SEM1: variants seen among roughly 807,000 people sequenced by gnomAD.
SEM1 encodes SEM1 26S proteasome subunit.
Under a neutral mutation model 12.7 loss-of-function variants are expected in SEM1, and 3 were observed. The observed-to-expected ratio is 0.24, with a 90% CI of 0.11 to 0.61. The LOEUF (loss-of-function observed/expected upper bound fraction) is 0.61. SEM1 is among the 20% of genes least tolerant of loss of function. The probability of loss-of-function intolerance (pLI) is 0.88; values close to 1 mark genes in which losing one functional copy is unlikely to be tolerated. For missense variants in SEM1, 59 were observed against 81.3 expected (o/e 0.73, Z 1.06); for synonymous variants, 30 against 27.8 (o/e 1.08, Z -0.25).
chr7:96,579,633 A>C (rs1466492609), intron 2 of SEM1, among the ~76,000 whole-genome samples: 1 of 152,216 alleles, frequency 6.6e-6, no homozygotes, highest in Admixed American at 6.5e-5. Context: ...TTGAAGTATA[A>C]TTACTAAAAC....
chr7:96,705,637 C>T (rs1790432723), intron 1 of SEM1, among the ~76,000 whole-genome samples: 1 of 151,878 alleles, frequency 6.6e-6, no homozygotes, highest in Admixed American at 6.6e-5. Flanking sequence ...ACCATCCTGG[C>T]TAACACCATG....
intron 2 of SEM1, among the ~76,000 whole-genome samples, chr7:96,543,250 A>AT (rs774911265): frequency 6.6e-6 from 1 of 151,972 alleles, no homozygotes; most frequent in Non-Finnish European, 1.5e-5. Flanking sequence ...TTACATTTAC[A>AT]TTTTATTGGG....
At chr7:96,673,519 T>TCATAATC (rs1359628507) in exon 3 of SEM1, 57 of 499,646 alleles carry the variant, frequency 1.1e-4, no homozygotes, top group Non-Finnish European at 1.9e-4. Context: ...ACAGGAAGTA[T>TCATAATC]CATAATCTCT....
intron 1 of SEM1, among the ~76,000 whole-genome samples, chr7:96,492,294 T>G (rs1353565281): frequency 2.0e-5 from 3 of 152,188 alleles, no homozygotes; most frequent in Non-Finnish European, 2.9e-5. Context: ...CATTTGACTA[T>G]TACAGGTACC....
At chr7:96,694,314 T>C (rs576785133) in intron 2 of SEM1, among the ~76,000 whole-genome samples, 1 of 152,106 alleles carries the variant, frequency 6.6e-6, no homozygotes, top group East Asian at 1.9e-4. Flanking sequence ...GCCACTGAAC[T>C]GTACACTTTC....
chr7:96,649,017 C>T (rs1808886710), intron 2 of SEM1, among the ~76,000 whole-genome samples: 1 of 152,210 alleles, frequency 6.6e-6, no homozygotes, highest in Middle Eastern at 3.2e-3. Context: ...AGAGGTGGAG[C>T]CTCCCTGAGC....
intron 2 of SEM1, among the ~76,000 whole-genome samples, chr7:96,566,845 A>G (rs917793593): frequency 4.0e-5 from 6 of 151,522 alleles, no homozygotes; most frequent in African/African-American, 1.5e-4. Context: ...TTAATTCATT[A>G]TTTTTCCAGA....
intron 2 of SEM1, among the ~76,000 whole-genome samples, chr7:96,636,985 G>T (rs573002837): frequency 6.6e-6 from 1 of 152,012 alleles, no homozygotes; most frequent in Non-Finnish European, 1.5e-5. Context: ...TTCTCTGAGT[G>T]GAAGGAGGAA....
intron 1 of SEM1, among the ~76,000 whole-genome samples, chr7:96,701,619 T>G (rs1790277566): frequency 6.6e-6 from 1 of 152,146 alleles, no homozygotes; most frequent in Non-Finnish European, 1.5e-5. Flanking sequence ...CTAATAAATA[T>G]TATTAGCCAT....
intron 2 of SEM1, among the ~76,000 whole-genome samples, chr7:96,554,816 T>C (rs1451885111): frequency 5.9e-5 from 9 of 151,724 alleles, no homozygotes; most frequent in Non-Finnish European, 1.2e-4. Context: ...GCTGTGAATC[T>C]ATCTGGTCCT....
chr7:96,623,007 GA>G (rs1807944081), intron 2 of SEM1: 1 of 203,166 alleles, frequency 4.9e-6, no homozygotes, highest in African/African-American at 2.3e-5. Flanking sequence ...GTATGTCTAT[GA>G]GGGTGTTTCT....
intron 2 of SEM1, among the ~76,000 whole-genome samples, chr7:96,682,056 T>C (rs1369596754): frequency 6.6e-6 from 1 of 152,160 alleles, no homozygotes; most frequent in Non-Finnish European, 1.5e-5. Flanking sequence ...CCTCTCTTAT[T>C]TCCTTGAGCA....
chr7:96,563,594 T>A (rs551929165), intron 2 of SEM1, among the ~76,000 whole-genome samples: 26 of 152,008 alleles, frequency 1.7e-4, no homozygotes, highest in Admixed American at 1.5e-3. Flanking sequence ...GACAAGAGGG[T>A]TCAGGATTTA....
intron 1 of SEM1, among the ~76,000 whole-genome samples, chr7:96,493,615 T>C: frequency 6.6e-6 from 1 of 152,136 alleles, no homozygotes; most frequent in East Asian, 1.9e-4. Context: ...AAACCTCCAA[T>C]ATCATTGTTG....
At chr7:96,685,390 C>G (rs1263666041), downstream of SEM1, among the ~76,000 whole-genome samples, 1 of 152,062 alleles carries the variant, frequency 6.6e-6, no homozygotes, top group East Asian at 1.9e-4. Flanking sequence ...ACATTTATGT[C>G]TGTATCAATA....
At chr7:96,677,778 T>C (rs1789491026) in intron 2 of SEM1, among the ~76,000 whole-genome samples, 1 of 149,780 alleles carries the variant, frequency 6.7e-6, no homozygotes, top group Admixed American at 6.7e-5. Context: ...GGAAGGGGAG[T>C]AGGGAAAGGA....
intron 2 of SEM1, among the ~76,000 whole-genome samples, chr7:96,506,981 T>C (rs976722217): frequency 6.6e-6 from 1 of 151,798 alleles, no homozygotes; most frequent in Non-Finnish European, 1.5e-5. Context: ...AGGAAAGAGA[T>C]AGGAAGAGAA....
upstream of SEM1, among the ~76,000 whole-genome samples, chr7:96,497,003 ACG>A (rs1246863787): frequency 1.5e-5 from 2 of 132,896 alleles, no homozygotes; most frequent in African/African-American, 3.4e-5. Context: ...GCGCACGAGC[ACG>A]TATACACACA....
intron 2 of SEM1, among the ~76,000 whole-genome samples, chr7:96,545,051 C>T (rs1805065010): frequency 6.6e-6 from 1 of 151,974 alleles, no homozygotes; most frequent in Non-Finnish European, 1.5e-5. Flanking sequence ...TCATAACTTA[C>T]CATTGGCTCA....
Sources: allele counts gnomAD v4.1 joint callset (sites outside exome capture counted in the v4.1 genomes callset), GRCh38; gene constraint gnomAD v4.1.1; transcripts MANE v1.5; gene names NCBI Gene and HGNC (gene_info 2026-07-23, HGNC 2026-07-21).